Variants in MPRIP observed in about 807,000 individuals in gnomAD.
The protein encoded by MPRIP is myosin phosphatase Rho interacting protein.
In MPRIP, 59 loss-of-function variants were observed where a neutral mutation model predicts 234.9. The observed-to-expected ratio is 0.25, with a 90% CI of 0.20 to 0.31. The LOEUF is 0.31. Among genes scored for constraint, MPRIP ranks in the 10% least tolerant of loss-of-function variants. The pLI is 1.00. For synonymous variants in MPRIP, 1,144 were observed against 1,263.9 expected (o/e 0.91, Z 2.01); for missense variants, 2,436 against 3,071.0 (o/e 0.79, Z 4.89).
rs1227448062 is a variant in MPRIP, at chr17:17,191,336, T to C, written c.*6442T>C. 6.6e-6 allele frequency: 1 copy of C among 152,226 alleles called. No individual in the cohort carries two copies. The highest frequency in any genetic ancestry group is 1.5e-5 in the Non-Finnish European group (1 of 68,044). The allele number at this position is 152,226 out of a possible 1,614,324, so 9.4% of individuals were successfully genotyped here. ...GGGATCAGGGTCTAAATGTGCAGTT[T>C]CTGAGAACCTTCAAGACCACTCACT... On this transcript the variant is annotated 3_prime_UTR_variant, in exon 24 of 24. Transcript: ENST00000651222.
Position 17,042,693 on chromosome 17 carries a change from T to G in MPRIP, c.-156T>G. ...CGGGCGGCTCAGGAGCCTCGGCGCGTGCAGCGAACCGCCCGCCGGGAAGGA... is the reference window on the plus strand; with the variant it reads ...CGGGCGGCTCAGGAGCCTCGGCGCGGGCAGCGAACCGCCCGCCGGGAAGGA... On this transcript the variant is annotated 5_prime_UTR_variant, in exon 1 of 24. Transcript: ENST00000651222. The G allele has an allele frequency of 6.1e-6, 5 of 813,630 alleles. No homozygotes were observed. Among genetic ancestry groups the G allele is most frequent in the Non-Finnish European group, 7.4e-6 (5 of 677,024 alleles). The allele number at this position is 813,630 out of a possible 1,614,324, so 50.4% of individuals were successfully genotyped here.
In MPRIP at chr17:17,176,510, C is replaced by G. The variant is rs756958763; in HGVS notation, c.6955C>G (p.Arg2319Gly). Reference protein sequence around the residue: ...SLKDELQTALRDKKYASDKYK... With the variant: ...SLKDELQTALGDKKYASDKYK... The stretch of plus-strand genomic sequence containing the variant: ...CAAGGATGAGCTGCAGACGGCACTG[C>G]GGGTAAGGCCACCGCACCACAGGAG... The change falls in exon 21 of 24, where the codon CGG becomes GGG. Residue 2319 changes from arginine (R) to glycine (G), a missense_variant and splice_region_variant. Coordinates refer to ENST00000651222, the MANE Select transcript of MPRIP (RefSeq NM_001364716.4). The G allele has an allele frequency of 7.4e-6, 12 of 1,612,834 alleles. No individual in the cohort carries two copies. The African/African-American group carries it at 1.5e-4, about 20-fold the overall frequency.
In MPRIP at chr17:17,154,402, C is replaced by T; in HGVS notation, c.1816C>T (p.Pro606Ser). 1.2e-6 allele frequency: 2 copies of T among 1,614,102 alleles called. No homozygotes were observed. The highest frequency in any genetic ancestry group is 1.7e-6 in the Non-Finnish European group (2 of 1,179,986). ...GAAGCACGTGCACCCGACCACTGCC[C>T]CGGATGTGACCAGGTAGGATGGTGA... ...IMKHVHPTTA[P>S]DVTSSLPEEK... Residue 606 changes from proline to serine, a missense_variant, in exon 13 of 24, where the codon CCG (proline) becomes TCG (serine). Coordinates refer to ENST00000651222, the MANE Select transcript of MPRIP (RefSeq NM_001364716.4).
intron 3 of MPRIP, among the ~76,000 whole-genome samples, chr17:17,103,035 CAT>C (rs1190949757): frequency 5.3e-5 from 8 of 152,170 alleles, no homozygotes; most frequent in East Asian, 3.9e-4. Flanking sequence ...TTGGAAGACT[CAT>C]GTGTGCCAGC....
intron 4 of MPRIP, among the ~76,000 whole-genome samples, chr17:17,128,255 G>A (rs906281027): frequency 1.1e-4 from 17 of 152,208 alleles, no homozygotes; most frequent in Admixed American, 5.9e-4. Flanking sequence ...CTGGGTCCCA[G>A]GGAGGGTGTG....
intron 3 of MPRIP, among the ~76,000 whole-genome samples, chr17:17,119,482 G>A (rs1018774740): frequency 6.6e-6 from 1 of 152,244 alleles, no homozygotes; most frequent in Non-Finnish European, 1.5e-5. Context: ...AGTCAGAGAG[G>A]ACCACACTTG....
chr17:17,179,037 C>T (rs1257948518), intron 22 of MPRIP, among the ~76,000 whole-genome samples: 3 of 152,102 alleles, frequency 2.0e-5, no homozygotes, highest in Non-Finnish European at 2.9e-5. Flanking sequence ...AAACAGAGGG[C>T]GGGCGTGGTG....
At chr17:17,180,715 T>C (rs977585924) in intron 23 of MPRIP, 1 of 1,529,912 alleles carries the variant, frequency 6.5e-7, no homozygotes, top group Non-Finnish European at 9.1e-7. Context: ...CACACCCCCA[T>C]GGCAAACGCC....
In MPRIP at chr17:17,078,181, C is replaced by T. The variant is rs1338058279; in HGVS notation, c.267+105C>T. 8.3e-7 allele frequency: 1 copy of T among 1,206,432 alleles called. No homozygotes were observed. The allele number at this position is 1,206,432 out of a possible 1,614,324, so 74.7% of individuals were successfully genotyped here. A position where few individuals can be genotyped will look rare whatever the true frequency, so the allele number is the denominator to read the frequency against. The stretch of plus-strand genomic sequence containing the variant: ...AGAGCACAGCAGCCATGTGCTCCTG[C>T]TTGTGTCTGTTTGGGAGTGTGGAAT... On this transcript the variant is annotated intron_variant, in intron 3 of 23. Coordinates refer to ENST00000651222, the MANE Select transcript of MPRIP (RefSeq NM_001364716.4). The surrounding 1 kb of genome is among the most constrained non-coding windows in gnomAD (Gnocchi z 4.3).
chr17:17,096,119 C>T (rs770255749), intron 3 of MPRIP, among the ~76,000 whole-genome samples: 24 of 152,194 alleles, frequency 1.6e-4, no homozygotes, highest in Non-Finnish European at 4.4e-5. Context: ...TGGCCCGCAG[C>T]CTGTCGACAC....
intron 5 of MPRIP, among the ~76,000 whole-genome samples, chr17:17,131,904 G>C (rs1425139827): frequency 6.6e-6 from 1 of 152,202 alleles, no homozygotes; most frequent in Non-Finnish European, 1.5e-5. Context: ...AGGGTGGCCT[G>C]CTAGTGTGCT....
At chr17:17,149,959 G>T in intron 11 of MPRIP, 185 bp from the exon 12 acceptor site, 1 of 550,998 alleles carries the variant, frequency 1.8e-6, no homozygotes, top group Non-Finnish European at 3.3e-6. Context: ...GGGACAGATG[G>T]TGGTGTGATT....
rs1430203321 is a variant in MPRIP, at chr17:17,167,954, T to G, written c.6324+39T>G. 47 of 1,270,726 alleles carry G rather than the reference T, an allele frequency of 3.7e-5. No individual in the cohort carries two copies. The highest frequency in any genetic ancestry group is 4.7e-5 in the Non-Finnish European group (46 of 970,322). The allele number at this position is 1,270,726 out of a possible 1,614,324, so 78.7% of individuals were successfully genotyped here. On this transcript the variant is annotated intron_variant, in intron 16 of 23. Transcript: ENST00000651222. This position sits in a 1 kb window ranked among gnomAD's most constrained non-coding sequence, Gnocchi z 5.9. ...ATTCAATTTGCAGAGCAGATCTTCC[T>G]TGATAATGGGGTGGGTGTGGGGACG...
chr17:17,069,371 C>G (rs1436043874), intron 1 of MPRIP, among the ~76,000 whole-genome samples: 4 of 151,886 alleles, frequency 2.6e-5, no homozygotes, highest in Admixed American at 6.6e-5. Context: ...TTTTAAAAAT[C>G]TACTCTATCA....
rs2046464878 is a variant in MPRIP, at chr17:17,185,786, ATTGCT to A, written c.*896_*900del. The A allele has an allele frequency of 2.9e-6, 1 of 343,838 alleles. No homozygotes were observed. The highest frequency in any genetic ancestry group is 4.1e-5 in the Admixed American group (1 of 24,138). 21.3% of individuals were successfully genotyped at this position (343,838 alleles called of 1,614,324 possible). The stretch of plus-strand genomic sequence containing the variant: ...TACCTTTTGGAAAAGAAACCGTCAC[ATTGCT>A]TTGGAAAAGGTTGAGAGGAGACCCC... On this transcript the variant is annotated 3_prime_UTR_variant, in exon 24 of 24. Transcript: ENST00000651222.
In MPRIP at chr17:17,164,655, T is replaced by G; in HGVS notation, c.3064T>G (p.Tyr1022Asp). Reference protein sequence around the residue: ...RLMEEKLQRNYELLLESCEKE... With the variant: ...RLMEEKLQRNDELLLESCEKE... ...GATGGAGGAGAAGCTGCAGAGAAACTATGAGCTGCTGCTGGAGAGCTGTGA... is the reference window on the plus strand; with the variant it reads ...GATGGAGGAGAAGCTGCAGAGAAACGATGAGCTGCTGCTGGAGAGCTGTGA... The change falls in exon 16 of 24, where the codon TAT becomes GAT. Residue 1022 changes from tyrosine to aspartate, a missense_variant. Physicochemically the swap from Tyr to Asp is radical, Grantham distance 160. Around this residue, in one of 4 missense-constraint regions of MPRIP, gnomAD observed 1,998 missense variants for 2,520.3 expected, o/e 0.79. Coordinates refer to ENST00000651222, the MANE Select transcript of MPRIP (RefSeq NM_001364716.4). 8.1e-7 allele frequency: 1 copy of G among 1,238,878 alleles called. No homozygotes were observed. The highest frequency in any genetic ancestry group is 1.0e-6 in the Non-Finnish European group (1 of 960,850). The allele number at this position is 1,238,878 out of a possible 1,614,324, so 76.7% of individuals were successfully genotyped here. A position where few individuals can be genotyped will look rare whatever the true frequency, so the allele number is the denominator to read the frequency against.
intron 3 of MPRIP, among the ~76,000 whole-genome samples, chr17:17,102,498 C>A (rs1236204609): frequency 6.6e-6 from 1 of 152,236 alleles, no homozygotes; most frequent in East Asian, 1.9e-4. Context: ...CGTCAGGGCA[C>A]GTGTGGAGTG....
intron 11 of MPRIP, among the ~76,000 whole-genome samples, chr17:17,148,628 C>T (rs956037280): frequency 6.6e-6 from 1 of 152,190 alleles, no homozygotes; most frequent in Non-Finnish European, 1.5e-5. Context: ...GGGAAGTAAG[C>T]ATCGCCTGGC....
At position 17,147,388 on chromosome 17, in the gene MPRIP, G is replaced by GTGAGT. The variant is rs772438683; in HGVS notation, c.1629+2_1629+6dup. 9 of 1,614,154 alleles carry GTGAGT rather than the reference G, an allele frequency of 5.6e-6. No individual in the cohort carries two copies. In the South Asian group the frequency reaches 9.9e-5, roughly 18 times the overall value. ...CTACAGGGATTCAGTGGCTGAGGAG[G>GTGAGT]TGAGTGTCTGGGCTTTGCCTCTGCT... is the stretch of plus-strand genomic sequence containing the variant. On this transcript the variant is annotated splice_donor_variant, in intron 11 of 23. Coordinates refer to ENST00000651222, the MANE Select transcript of MPRIP (RefSeq NM_001364716.4). LOFTEE classifies it high-confidence loss of function.
Sources: allele counts gnomAD v4.1 joint callset (sites outside exome capture counted in the v4.1 genomes callset), GRCh38; gene constraint gnomAD v4.1.1; regional missense constraint gnomAD v4.1.1; non-coding constraint Gnocchi (gnomAD v3.1); transcripts MANE v1.5; gene names NCBI Gene and HGNC (gene_info 2026-07-23, HGNC 2026-07-21).